The following NAPEPLD variants were observed in gnomAD, a reference collection of about 807,000 sequenced individuals.
NAPEPLD encodes N-acyl phosphatidylethanolamine phospholipase D, also known as N-acyl-phosphatidylethanolamine-hydrolyzing phospholipase D.
A neutral mutation model predicts 38.1 loss-of-function variants in NAPEPLD; 23 were observed. That is an observed-to-expected ratio of 0.60 (90% CI 0.43 to 0.86). The LOEUF is 0.86. NAPEPLD is among the 40% of genes least tolerant of loss of function. The probability of loss-of-function intolerance (pLI) is 0.00; values close to 1 mark genes in which losing one functional copy is unlikely to be tolerated. For missense variants in NAPEPLD, 411 were observed against 476.8 expected, an observed-to-expected ratio of 0.86 and a Z score of 1.28; for synonymous variants, 147 against 162.0, an observed-to-expected ratio of 0.91 and a Z score of 0.71.
chr7:103,149,498 C>A, upstream of NAPEPLD: 1 of 1,263,712 alleles, frequency 7.9e-7, no homozygotes, highest in Non-Finnish European at 1.0e-6. Context: ...GGCGAGTCGT[C>A]GCCGGGTCAC....
chr7:103,125,081 GAC>G (rs1807486712), intron 2 of NAPEPLD, among the ~76,000 whole-genome samples: 1 of 152,116 alleles, frequency 6.6e-6, no homozygotes, highest in Non-Finnish European at 1.5e-5. Flanking sequence ...TTTTAAAGAA[GAC>G]ACAGTAATAC....
intron 1 of NAPEPLD, among the ~76,000 whole-genome samples, chr7:103,143,064 AAAAAAAAC>A (rs1307041468): frequency 2.6e-4 from 6 of 23,518 alleles, no homozygotes; most frequent in African/African-American, 2.7e-4. Flanking sequence ...TCTCTACAAA[AAAAAAAAC>A]AAAAAAACAA....
intron 1 of NAPEPLD, among the ~76,000 whole-genome samples, chr7:103,138,970 C>T (rs1316619461): frequency 6.6e-6 from 1 of 152,162 alleles, no homozygotes; most frequent in Non-Finnish European, 1.5e-5. Context: ...ATTTCCACTC[C>T]CTCAAATAAA....
chr7:103,128,791 A>T lies in NAPEPLD; in HGVS notation c.-15T>A. ...TTTTCATCCATGTCCTTTGGTGAAG[A>T]ACTAAAAAAAACAAGGGGGAAAAAT... On this transcript the variant is annotated splice_region_variant and 5_prime_UTR_variant, in exon 2 of 5. Coordinates refer to ENST00000465647, the MANE Select transcript of NAPEPLD (RefSeq NM_001122838.3). 6.3e-7 allele frequency: 1 copy of T among 1,598,874 alleles called. No homozygotes were observed. The highest frequency in any genetic ancestry group is 8.5e-7 in the Non-Finnish European group (1 of 1,174,952).
intron 1 of NAPEPLD, chr7:103,141,810 G>C: frequency 1.1e-6 from 1 of 906,162 alleles, no homozygotes; most frequent in South Asian, 1.3e-5. Context: ...TCTTTGATCA[G>C]CTTCCGGATC....
At chr7:103,149,662 G>T, upstream of NAPEPLD, 1 of 294,308 alleles carries the variant, frequency 3.4e-6, no homozygotes, top group Non-Finnish European at 6.3e-6. Context: ...GCCTGCCCCG[G>T]CCCGCCTCGC....
intron 1 of NAPEPLD, among the ~76,000 whole-genome samples, chr7:103,135,515 A>C (rs1383097797): frequency 6.6e-6 from 1 of 152,218 alleles, no homozygotes; most frequent in Non-Finnish European, 1.5e-5. Flanking sequence ...GTATGTATAC[A>C]ACATTCATCA....
rs537190998 is a variant in NAPEPLD at position 103,101,197 on chromosome 7, AC to A, written c.*2231del. 7 of 152,020 alleles carry A rather than the reference AC, an allele frequency of 4.6e-5. No homozygotes were observed. The highest frequency in any genetic ancestry group is 8.8e-5 in the Non-Finnish European group (6 of 68,012). The allele number at this position is 152,020 out of a possible 1,614,324, so 9.4% of individuals were successfully genotyped here. On this transcript the variant is annotated 3_prime_UTR_variant, in exon 5 of 5. Coordinates refer to ENST00000465647, the MANE Select transcript of NAPEPLD (RefSeq NM_001122838.3). ...ACACCTCAAAGCTAACTCACCATAA[AC>A]CTAACATCTTGATTCACATCTGCTT...
chr7:103,127,070 C>T (rs1037268283), intron 2 of NAPEPLD: 4 of 152,068 alleles, frequency 2.6e-5, no homozygotes, highest in Admixed American at 6.6e-5. Context: ...TTCAAAGATA[C>T]AGATGAAATT....
In NAPEPLD at chr7:103,148,853, G is replaced by GTC. The variant is rs1311117748; in HGVS notation, c.-60_-59insGA. 1 of 985,124 alleles carries GTC rather than the reference G, an allele frequency of 1.0e-6. No homozygotes were observed. Among genetic ancestry groups the GTC allele is most frequent in the Non-Finnish European group, 1.2e-6 (1 of 829,830 alleles). 61.0% of individuals were successfully genotyped at this position (985,124 alleles called of 1,614,324 possible). ...AAGATGCAACCTGGTAATTTGCAGG[G>GTC]AAGATAGGATCTCAAATCCCAGACA... is the stretch of plus-strand genomic sequence containing the variant. On this transcript the variant is annotated 5_prime_UTR_variant, in exon 1 of 5. Coordinates refer to ENST00000465647, the MANE Select transcript of NAPEPLD (RefSeq NM_001122838.3).
intron 1 of NAPEPLD, among the ~76,000 whole-genome samples, chr7:103,139,228 C>G (rs1163470294): frequency 6.6e-6 from 1 of 152,192 alleles, no homozygotes; most frequent in African/African-American, 2.4e-5. Context: ...TTAAAAGTTG[C>G]ATTTAACAAA....
At chr7:103,136,389 T>A (rs1307938828) in intron 1 of NAPEPLD, among the ~76,000 whole-genome samples, 1 of 143,800 alleles carries the variant, frequency 7.0e-6, no homozygotes, top group Non-Finnish European at 1.5e-5. Context: ...CTGGCTAACA[T>A]GGCAAAACCC....
Position 103,120,018 on chromosome 7 carries a change from C to A in NAPEPLD, c.500G>T (p.Arg167Leu), listed in dbSNP as rs149509915. ...GAGTTCACTTATTGTGCACGGGGAA[C>A]GACGAAATCGCTTTGGACCCATGTA... ...SQYMGPKRFR[R>L]SPCTISELPP... Residue 167 changes from arginine to leucine, a missense_variant, in exon 3 of 5, where the codon CGT becomes CTT. By Grantham distance (102) the Arg-to-Leu change is moderately radical. Transcript: ENST00000465647. The A allele has an allele frequency of 3.7e-6, 6 of 1,614,018 alleles. No individual in the cohort carries two copies. In the African/African-American group the frequency reaches 8.0e-5, roughly 22 times the overall value.
At chr7:103,104,097 AGAG>A (rs917413733) in intron 4 of NAPEPLD, among the ~76,000 whole-genome samples, 5 of 152,180 alleles carry the variant, frequency 3.3e-5, no homozygotes, top group Non-Finnish European at 7.3e-5. Flanking sequence ...TGTGTGGCAA[AGAG>A]GAGTCAAGAT....
chr7:103,128,101 G>A (rs1160964054), intron 2 of NAPEPLD: 1 of 211,566 alleles, frequency 4.7e-6, no homozygotes, highest in Non-Finnish European at 9.4e-6. Context: ...TTCCAGAGCA[G>A]GTAATACACT....
upstream of NAPEPLD, chr7:103,149,177 C>T (rs978138102): frequency 1.0e-6 from 1 of 991,736 alleles, no homozygotes; most frequent in Non-Finnish European, 1.2e-6. Flanking sequence ...AACCGCCTCC[C>T]GCGAGGTCCA....
At chr7:103,136,211 G>A (rs1200205575) in intron 1 of NAPEPLD, among the ~76,000 whole-genome samples, 1 of 151,786 alleles carries the variant, frequency 6.6e-6, no homozygotes, top group Non-Finnish European at 1.5e-5. Context: ...ACGTTGCAGT[G>A]GGCTGAGATC....
At chr7:103,109,175 A>C (rs962150071) in intron 4 of NAPEPLD, among the ~76,000 whole-genome samples, 1 of 152,220 alleles carries the variant, frequency 6.6e-6, no homozygotes, top group Non-Finnish European at 1.5e-5. Context: ...TATTAGACAG[A>C]TCAACGAGAC....
At chr7:103,139,533 G>T (rs1039504523) in intron 1 of NAPEPLD, among the ~76,000 whole-genome samples, 1 of 152,160 alleles carries the variant, frequency 6.6e-6, no homozygotes, top group Non-Finnish European at 1.5e-5. Context: ...TGATCCAGCA[G>T]GTCAGAGACA....
Sources: allele counts gnomAD v4.1 joint callset (sites outside exome capture counted in the v4.1 genomes callset), GRCh38; gene constraint gnomAD v4.1.1; transcripts MANE v1.5; gene names NCBI Gene and HGNC (gene_info 2026-07-23, HGNC 2026-07-21).